Variants in LRRC46 observed in about 807,000 individuals in gnomAD.
The protein encoded by LRRC46 is leucine-rich repeat-containing protein 46.
LRRC46 carries 20 observed loss-of-function variants against 28.0 expected under a neutral mutation model. The ratio of observed to expected loss-of-function variants is 0.71; its 90% CI spans 0.50 to 1.04. The LOEUF (loss-of-function observed/expected upper bound fraction) is 1.04, where lower values mean the gene tolerates loss of function less well. LRRC46 is among the 50% of genes least tolerant of loss of function. LRRC46 has a pLI of 0.00. For synonymous variants in LRRC46, 156 were observed against 158.8 expected, an observed-to-expected ratio of 0.98 and a Z score of 0.13; for missense variants, 315 against 390.1, an observed-to-expected ratio of 0.81 and a Z score of 1.62.
intron 1 of LRRC46, 42 bp downstream of exon 1, chr17:47,832,041 C>G: frequency 1.9e-6 from 3 of 1,613,922 alleles, no homozygotes; most frequent in Non-Finnish European, 8.5e-7. Flanking sequence ...AGTTGGAAAA[C>G]AGCGGGGTAA....
At chr17:47,832,259 C>A in intron 2 of LRRC46, 54 bp downstream of exon 2, 1 of 1,331,322 alleles carries the variant, frequency 7.5e-7, no homozygotes, top group Non-Finnish European at 1.0e-6. Context: ...CTCAGGATGA[C>A]CAGGTCCCTG....
intron 3 of LRRC46, chr17:47,834,944 G>A (rs2033677038): frequency 4.4e-6 from 1 of 225,534 alleles, no homozygotes; most frequent in African/African-American, 2.3e-5. Context: ...TCCCCTGGTT[G>A]AGTATTCCCA....
Position 47,836,313 on chromosome 17 carries a change from C to G in LRRC46, c.453-20C>G. The G allele has an allele frequency of 6.2e-7, 1 of 1,613,116 alleles. No homozygotes were observed. The highest frequency in any genetic ancestry group is 8.5e-7 in the Non-Finnish European group (1 of 1,179,824). On this transcript the variant is annotated intron_variant, in intron 6 of 7. Coordinates refer to ENST00000269025, the MANE Select transcript of LRRC46 (RefSeq NM_033413.4). The surrounding 1 kb of genome is among the most constrained non-coding windows in gnomAD (Gnocchi z 5.8). ...GCCAGGGTGCCCTCCTGGGTAACCTCTGCTCCTTCTGCTCTGCAGCGAGCT... is the reference window on the plus strand; with the variant it reads ...GCCAGGGTGCCCTCCTGGGTAACCTGTGCTCCTTCTGCTCTGCAGCGAGCT...
Position 47,836,740 on chromosome 17 carries a change from C to G in LRRC46, c.596-10C>G. ...CCCACCCTGTACCCTCCACCCCCGGCCCCTCCCAGGCTTCCTCAAGGAGCT... is the reference window on the plus strand; with the variant it reads ...CCCACCCTGTACCCTCCACCCCCGGGCCCTCCCAGGCTTCCTCAAGGAGCT... On this transcript the variant is annotated splice_polypyrimidine_tract_variant and intron_variant, in intron 7 of 7. Transcript: ENST00000269025. This position sits in a 1 kb window ranked among gnomAD's most constrained non-coding sequence, Gnocchi z 5.8. 1 of 1,612,642 alleles carries G rather than the reference C, an allele frequency of 6.2e-7. No individual in the cohort carries two copies. Among genetic ancestry groups the G allele is most frequent in the Non-Finnish European group, 8.5e-7 (1 of 1,179,568 alleles).
intron 3 of LRRC46, 60 bp downstream of exon 3, chr17:47,834,593 C>A: frequency 1.7e-6 from 2 of 1,150,394 alleles, no homozygotes; most frequent in Non-Finnish European, 2.6e-6. Flanking sequence ...TCTGTCTCAT[C>A]TGAAAGGAGC....
At position 47,832,168 on chromosome 17, in the gene LRRC46, T is replaced by A. The variant is rs1171890399; in HGVS notation, c.79T>A (p.Leu27Met). The change falls in exon 2 of 8, where the codon TTG (leucine) becomes ATG (methionine). Residue 27 changes from leucine (L) to methionine (M), a missense_variant. Transcript: ENST00000269025. ...ITEALITKRN[L>M]TFPEDGELSE... ...TGAAGCCCTTATCACTAAGCGGAAC[T>A]TGACTTTCCCTGAAGATGGGGAACT... is the stretch of plus-strand genomic sequence containing the variant. 6.2e-7 allele frequency: 1 copy of A among 1,601,874 alleles called. No individual in the cohort carries two copies. The highest frequency in any genetic ancestry group is 1.7e-5 in the Admixed American group (1 of 58,356).
chr17:47,834,052 G>A, intron 2 of LRRC46: 1 of 998,518 alleles, frequency 1.0e-6, no homozygotes, highest in Non-Finnish European at 1.2e-6. Flanking sequence ...AGGAAGGTGA[G>A]GAAGGATCTT....
At chr17:47,833,948 T>C (rs1348657022) in intron 2 of LRRC46, 14 of 985,530 alleles carry the variant, frequency 1.4e-5, no homozygotes, top group African/African-American at 1.7e-5. Flanking sequence ...GGGCAGAGAC[T>C]CTGTCATTTG....
rs1036338495 is a variant in LRRC46, at chr17:47,837,480, G to A, written c.*360G>A. On this transcript the variant is annotated 3_prime_UTR_variant, in exon 8 of 8. Transcript: ENST00000269025. ...CCACCCCTAGCGAGTGCCCTTCCCCGGTCCAAGCCAAGGACCAAGGAGCTG... is the reference window on the plus strand; with the variant it reads ...CCACCCCTAGCGAGTGCCCTTCCCCAGTCCAAGCCAAGGACCAAGGAGCTG... The A allele has an allele frequency of 1.3e-5, 5 of 396,474 alleles. No homozygotes were observed. The highest frequency in any genetic ancestry group is 6.4e-5 in the African/African-American group (3 of 46,732). 24.6% of individuals were successfully genotyped at this position (396,474 alleles called of 1,614,324 possible). A position where few individuals can be genotyped will look rare whatever the true frequency, so the allele number is the denominator to read the frequency against.
intron 2 of LRRC46, chr17:47,833,858 C>T: frequency 1.1e-6 from 1 of 901,938 alleles, no homozygotes; most frequent in South Asian, 5.1e-5. Context: ...TCGAGCGATC[C>T]TCCTGCCTCG....
chr17:47,834,057 G>T, intron 2 of LRRC46: 1 of 1,000,658 alleles, frequency 1.0e-6, no homozygotes, highest in South Asian at 4.6e-5. Context: ...GGTGAGGAAG[G>T]ATCTTTCTGC....
intron 2 of LRRC46, among the ~76,000 whole-genome samples, chr17:47,833,135 G>A (rs62076135): frequency 0.27 from 41,310 of 152,004 alleles, 6,964 homozygotes; most frequent in Non-Finnish European, 0.38. Context: ...GTATTAGCAT[G>A]TACTATTCCT....
Position 47,832,095 on chromosome 17 carries a change from C to A in LRRC46, c.11-5C>A, listed in dbSNP as rs1328734308. ...AGTGTCACAGTTGGACTCATCTTTT[C>A]ACAGGGAAGTCAGCCCAGGGTCCAG... On this transcript the variant is annotated splice_region_variant and splice_polypyrimidine_tract_variant and intron_variant, in intron 1 of 7. Coordinates refer to ENST00000269025, the MANE Select transcript of LRRC46 (RefSeq NM_033413.4). The A allele has an allele frequency of 7.4e-6, 12 of 1,611,784 alleles. No homozygotes were observed. Among genetic ancestry groups the A allele is most frequent in the Non-Finnish European group, 9.3e-6 (11 of 1,178,656 alleles).
At chr17:47,833,539 C>T (rs1464392246) in intron 2 of LRRC46, among the ~76,000 whole-genome samples, 2 of 149,106 alleles carry the variant, frequency 1.3e-5, no homozygotes. Context: ...ACGTCTGCCT[C>T]CTGAGTTGAA....
chr17:47,835,697 C>A lies in LRRC46; in HGVS notation c.304C>A (p.Gln102Lys), dbSNP rs1291910350. The part of the protein sequence containing the change: ...FLSLAGNQIR[Q>K]VENLLDLPCL... ...GTCTCTGGCAGGAAACCAAATCAGG[C>A]AGGTGGAAAACCTCCTCGACCTCCC... Residue 102 changes from glutamine to lysine, a missense_variant, in exon 5 of 8, where the codon CAG becomes AAG. Physicochemically the swap from Gln to Lys is moderately conservative, Grantham distance 53 (BLOSUM62 1). Transcript: ENST00000269025. 6.2e-7 allele frequency: 1 copy of A among 1,614,194 alleles called. No homozygotes were observed. Among genetic ancestry groups the A allele is most frequent in the Non-Finnish European group, 8.5e-7 (1 of 1,180,008 alleles).
Position 47,835,864 on chromosome 17 carries a change from C to T in LRRC46, c.382+89C>T, listed in dbSNP as rs1468722808. On this transcript the variant is annotated intron_variant, in intron 5 of 7. Coordinates refer to ENST00000269025, the MANE Select transcript of LRRC46 (RefSeq NM_033413.4). ...ACCCATCTGCCCATGCTTCTATTAG[C>T]CATGCCCCTGCAGGTCCACATTTCA... 8.1e-6 allele frequency: 11 copies of T among 1,352,272 alleles called. No individual in the cohort carries two copies. The African/African-American group carries it at 8.6e-5, about 11-fold the overall frequency. The allele number at this position is 1,352,272 out of a possible 1,614,324, so 83.8% of individuals were successfully genotyped here. A position where few individuals can be genotyped will look rare whatever the true frequency, so the allele number is the denominator to read the frequency against.
rs373917185 is a variant in LRRC46 at position 47,833,868 on chromosome 17, G to A, written c.117-557G>A. The A allele has an allele frequency of 5.9e-5, 56 of 943,198 alleles. No individual in the cohort carries two copies. The Admixed American group carries it at 1.2e-3, about 20-fold the overall frequency. 58.4% of individuals were successfully genotyped at this position (943,198 alleles called of 1,614,324 possible). A position where few individuals can be genotyped will look rare whatever the true frequency, so the allele number is the denominator to read the frequency against. On this transcript the variant is annotated intron_variant, in intron 2 of 7. Transcript: ENST00000269025. ...TGGGCTCGAGCGATCCTCCTGCCTCGGCCTCCCAAAGTGCTGGGAGTACAG... is the reference window on the plus strand; with the variant it reads ...TGGGCTCGAGCGATCCTCCTGCCTCAGCCTCCCAAAGTGCTGGGAGTACAG...
rs1392931423 is a variant in LRRC46, at chr17:47,836,091, G to A, written c.441G>A (p.Gln147=). 1 of 1,614,168 alleles carries A rather than the reference G, an allele frequency of 6.2e-7. No individual in the cohort carries two copies. The part of the protein sequence containing the change: ...LNLSGNSCTN[Q]DGYRELVTEA... ...TGTCTGGAAACAGCTGCACCAACCA[G>A]GATGGCTACCGGTAAGGAGTGGAGG... Residue 147 remains glutamine (Q), a synonymous_variant, in exon 6 of 8, where the codon CAG becomes CAA. Transcript: ENST00000269025. This position sits in a 1 kb window ranked among gnomAD's most constrained non-coding sequence, Gnocchi z 5.8.
In LRRC46 at chr17:47,831,927, G is replaced by A. The variant is rs2033638714; in HGVS notation, c.-63G>A. On this transcript the variant is annotated 5_prime_UTR_variant, in exon 1 of 8. Coordinates refer to ENST00000269025, the MANE Select transcript of LRRC46 (RefSeq NM_033413.4). The stretch of plus-strand genomic sequence containing the variant: ...ATCCTGAGTTCTGCCATCCTTAGGG[G>A]CCGCCAAGACCTCTCTTTTCGTTCC... 4.3e-6 allele frequency: 7 copies of A among 1,610,178 alleles called. No homozygotes were observed. The highest frequency in any genetic ancestry group is 3.3e-5 in the Admixed American group (2 of 59,924).
Sources: gnomAD v4.1 joint callset for allele counts (sites outside exome capture counted in the v4.1 genomes callset) on GRCh38, gnomAD v4.1.1 for gene constraint, Gnocchi (gnomAD v3.1) non-coding constraint, MANE v1.5 for transcripts, NCBI Gene and HGNC (gene_info 2026-07-23, HGNC 2026-07-21) for gene names.